TMEM181: variants seen among roughly 807,000 people sequenced by gnomAD.
The protein encoded by TMEM181 is transmembrane protein 181, also known as G protein-coupled receptor 178.
TMEM181 carries 39 observed loss-of-function variants against 71.9 expected under a neutral mutation model. The observed-to-expected ratio is 0.54, with a 90% CI of 0.42 to 0.71. The LOEUF is 0.71. Among genes scored for constraint, TMEM181 ranks in the 30% least tolerant of loss-of-function variants. TMEM181 has a pLI of 0.00. For missense variants in TMEM181, 595 were observed against 583.0 expected (o/e 1.02, Z -0.21); for synonymous variants, 245 against 228.8 (o/e 1.07, Z -0.64).
chr6:158,583,816 A>G, intron 3 of TMEM181, 138 bp from the exon 4 acceptor site: 2 of 590,720 alleles, frequency 3.4e-6, no homozygotes, highest in Non-Finnish European at 5.7e-6. Context: ...AAAAAGAAGG[A>G]AAACCTCACA....
At chr6:158,609,952 C>A in intron 10 of TMEM181, 1 of 227,690 alleles carries the variant, frequency 4.4e-6, no homozygotes. Context: ...TCAGGACTGC[C>A]ATGAGGCCCA....
At chr6:158,570,081 C>T (rs187481347) in intron 1 of TMEM181, among the ~76,000 whole-genome samples, 205 of 152,206 alleles carry the variant, frequency 1.3e-3, no homozygotes, top group African/African-American at 4.4e-3. Flanking sequence ...GGGTAGTTCT[C>T]GGAGCTCCAT....
intron 1 of TMEM181, among the ~76,000 whole-genome samples, chr6:158,571,742 T>C (rs1430455685): frequency 2.6e-5 from 4 of 152,226 alleles, no homozygotes; most frequent in African/African-American, 4.8e-5. Context: ...GAGGAGTTGG[T>C]GTAGGTTGGA....
chr6:158,598,192 C>A (rs1166493751), intron 6 of TMEM181, among the ~76,000 whole-genome samples: 1 of 152,242 alleles, frequency 6.6e-6, no homozygotes, highest in South Asian at 2.1e-4. Context: ...CTGTTCTTTT[C>A]TCCTGAGATT....
intron 1 of TMEM181, among the ~76,000 whole-genome samples, chr6:158,562,782 A>G (rs1192933653): frequency 1.3e-5 from 2 of 152,210 alleles, no homozygotes; most frequent in South Asian, 2.1e-4. Flanking sequence ...TAGAAATAGT[A>G]AAAGATAACT....
chr6:158,612,790 A>C (rs759814637), intron 10 of TMEM181, among the ~76,000 whole-genome samples: 1 of 152,244 alleles, frequency 6.6e-6, no homozygotes, highest in Non-Finnish European at 1.5e-5. Context: ...TAATTAAGCA[A>C]AATGCTACGG....
intron 1 of TMEM181, among the ~76,000 whole-genome samples, chr6:158,540,007 T>A (rs576005735): frequency 2.0e-5 from 3 of 152,268 alleles, no homozygotes; most frequent in African/African-American, 7.2e-5. Flanking sequence ...GTCTAAACAA[T>A]AAGGGAATGA....
intron 15 of TMEM181, among the ~76,000 whole-genome samples, 197 bp downstream of exon 15, chr6:158,630,016 G>A (rs553608087): frequency 6.6e-6 from 1 of 152,286 alleles, no homozygotes; most frequent in East Asian, 1.9e-4. Flanking sequence ...CCTGCGTTGT[G>A]TCATTCCCAC....
At chr6:158,541,749 T>C (rs1050411403) in intron 1 of TMEM181, among the ~76,000 whole-genome samples, 9 of 152,224 alleles carry the variant, frequency 5.9e-5, no homozygotes, top group African/African-American at 1.9e-4. Context: ...CTGATTTTGA[T>C]GTAAGCATAT....
At chr6:158,621,002 T>C (rs1400327458) in intron 10 of TMEM181, among the ~76,000 whole-genome samples, 1 of 152,144 alleles carries the variant, frequency 6.6e-6, no homozygotes, top group Admixed American at 6.5e-5. Context: ...AGGCTCGAAA[T>C]GTTTCTGTGT....
intron 2 of TMEM181, among the ~76,000 whole-genome samples, chr6:158,579,286 C>G (rs1783337681): frequency 6.7e-6 from 1 of 149,682 alleles, no homozygotes; most frequent in African/African-American, 2.5e-5. Context: ...AAAGCAGGGT[C>G]TTGATATTTG....
At chr6:158,575,236 G>C (rs916116688) in intron 2 of TMEM181, among the ~76,000 whole-genome samples, 27 of 152,296 alleles carry the variant, frequency 1.8e-4, no homozygotes, top group South Asian at 2.1e-4. Flanking sequence ...ATGTGATAAG[G>C]TTATTACTAT....
At chr6:158,592,779 A>C (rs150668713) in intron 6 of TMEM181, among the ~76,000 whole-genome samples, 1 of 152,138 alleles carries the variant, frequency 6.6e-6, no homozygotes, top group Non-Finnish European at 1.5e-5. Flanking sequence ...TTAGCCATGC[A>C]TGGTGGTGCA....
At position 158,626,371 on chromosome 6, in the gene TMEM181, G is replaced by GT. The variant is rs1359359518; in HGVS notation, c.1109+620dup. The GT allele has an allele frequency of 1.3e-5, 6 of 456,628 alleles. No individual in the cohort carries two copies. In the Admixed American group the frequency reaches 1.4e-4, roughly 11 times the overall value. The allele number at this position is 456,628 out of a possible 1,614,324, so 28.3% of individuals were successfully genotyped here. On this transcript the variant is annotated intron_variant, in intron 13 of 16. Transcript: ENST00000684151. Reference sequence around the variant, plus strand: ...TTGCTTGGTGGTTTATGGTTTGTCTGTTTCTCCTAAAATCAGAATCCAGAG... The same window carrying GT: ...TTGCTTGGTGGTTTATGGTTTGTCTGTTTTCTCCTAAAATCAGAATCCAGAG...
chr6:158,626,933 T>TCAC (rs1562315762), intron 13 of TMEM181, among the ~76,000 whole-genome samples: 31 of 24,224 alleles, frequency 1.3e-3, no homozygotes, highest in African/African-American at 7.9e-3. Flanking sequence ...CTCACCCTCA[T>TCAC]TCTCACCCTC....
chr6:158,561,124 C>A (rs1468600166), intron 1 of TMEM181, among the ~76,000 whole-genome samples: 1 of 152,178 alleles, frequency 6.6e-6, no homozygotes, highest in Admixed American at 6.5e-5. Flanking sequence ...GGCTTATATG[C>A]GGTTTTTGAG....
chr6:158,571,269 T>C (rs555744970), intron 1 of TMEM181, among the ~76,000 whole-genome samples: 141 of 148,064 alleles, frequency 9.5e-4, no homozygotes, highest in Non-Finnish European at 4.5e-5. Flanking sequence ...GCTAATTTTT[T>C]GTGTTTTTTA....
intron 14 of TMEM181, 75 bp downstream of exon 14, chr6:158,628,565 C>T: frequency 7.2e-7 from 1 of 1,379,406 alleles, no homozygotes; most frequent in South Asian, 1.2e-5. Flanking sequence ...TCAGATTTGC[C>T]CCTCTCAAGA....
intron 6 of TMEM181, among the ~76,000 whole-genome samples, chr6:158,601,758 GAA>G (rs796451394): frequency 1.0e-5 from 1 of 96,042 alleles, no homozygotes; most frequent in Non-Finnish European, 2.3e-5. Flanking sequence ...GACTGTCTCA[GAA>G]AAAAAAAAAA....
Sources: allele counts gnomAD v4.1 joint callset (sites outside exome capture counted in the v4.1 genomes callset), GRCh38; gene constraint gnomAD v4.1.1; transcripts MANE v1.5; gene names NCBI Gene and HGNC (gene_info 2026-07-23, HGNC 2026-07-21).